Variants in PDE4D observed in about 807,000 individuals in gnomAD.
PDE4D encodes the protein phosphodiesterase 4D.
A neutral mutation model predicts 87.4 loss-of-function variants in PDE4D; 24 were observed. The ratio of observed to expected loss-of-function variants is 0.27; its 90% CI spans 0.20 to 0.39. PDE4D has a LOEUF of 0.39. PDE4D is among the 10% of genes least tolerant of loss of function. The pLI, the probability that PDE4D is intolerant of heterozygous loss-of-function variation, is 1.00. For missense variants in PDE4D, 714 were observed against 1,041.0 expected, an observed-to-expected ratio of 0.69 and a Z score of 4.32; for synonymous variants, 384 against 383.2, an observed-to-expected ratio of 1.00 and a Z score of -0.02.
chr5:59,659,580 T>C (rs1744909993), intron 1 of PDE4D, among the ~76,000 whole-genome samples: 1 of 152,262 alleles, frequency 6.6e-6, no homozygotes, highest in East Asian at 1.9e-4. Context: ...TAAGAAGTCT[T>C]AAGGACAGTC....
At chr5:60,223,485 G>C (rs182282335) in intron 1 of PDE4D, among the ~76,000 whole-genome samples, 58 of 152,120 alleles carry the variant, frequency 3.8e-4, no homozygotes, top group African/African-American at 1.4e-3. Flanking sequence ...AGGCAGAAGT[G>C]GTTCATCAGG....
At chr5:59,551,956 C>T (rs1227260014) in intron 1 of PDE4D, among the ~76,000 whole-genome samples, 1 of 152,116 alleles carries the variant, frequency 6.6e-6, no homozygotes, top group African/African-American at 2.4e-5. Flanking sequence ...TGGTTCACAC[C>T]TATAATCCCA....
At chr5:59,467,706 A>G (rs1232665391) in intron 1 of PDE4D, among the ~76,000 whole-genome samples, 12 of 152,236 alleles carry the variant, frequency 7.9e-5, no homozygotes, top group Non-Finnish European at 1.6e-4. Context: ...CATACGTACA[A>G]TTGTATTTTG....
At chr5:59,247,419 A>C (rs1759070365) in intron 1 of PDE4D, among the ~76,000 whole-genome samples, 1 of 152,124 alleles carries the variant, frequency 6.6e-6, no homozygotes, top group Non-Finnish European at 1.5e-5. Context: ...GCCCATTGTA[A>C]CTCAAGATTA....
chr5:59,959,802 A>C (rs1416044419), intron 3 of PDE4D, among the ~76,000 whole-genome samples: 1 of 152,188 alleles, frequency 6.6e-6, no homozygotes, highest in East Asian at 1.9e-4. Context: ...TTTTATGACT[A>C]AGTCCCCAAA....
intron 3 of PDE4D, among the ~76,000 whole-genome samples, chr5:59,978,204 G>A (rs1012396249): frequency 9.2e-5 from 14 of 152,062 alleles, no homozygotes; most frequent in Admixed American, 3.3e-4. Context: ...TAGGGCTATC[G>A]CTATGATAGA....
chr5:59,586,424 TGTA>T lies in PDE4D; in HGVS notation c.455+306741_455+306743del, dbSNP rs1269770120. On this transcript the variant is annotated intron_variant, in intron 1 of 14. Transcript: ENST00000340635. ...TATTTTTCTTGTCTCCTACGTTACA[TGTA>T]GTGATTTTTACAGATGAATTCCAAC... 2.5e-6 allele frequency: 4 copies of T among 1,598,136 alleles called. No homozygotes were observed. In the Admixed American group the frequency reaches 6.8e-5, roughly 27 times the overall value.
chr5:58,990,040 T>C (rs886827186), intron 9 of PDE4D, 121 bp from the exon 10 acceptor site: 1 of 628,870 alleles, frequency 1.6e-6, no homozygotes, highest in Non-Finnish European at 2.8e-6. Flanking sequence ...AAATGGCAAC[T>C]GCACTCTCAC....
chr5:60,103,929 C>A (rs537816266), intron 2 of PDE4D, among the ~76,000 whole-genome samples: 1 of 152,140 alleles, frequency 6.6e-6, no homozygotes, highest in African/African-American at 2.4e-5. Context: ...CCAGCATGAG[C>A]GACGCAGAAG....
At chr5:59,980,924 C>T (rs1761858562) in intron 3 of PDE4D, among the ~76,000 whole-genome samples, 1 of 152,126 alleles carries the variant, frequency 6.6e-6, no homozygotes, top group African/African-American at 2.4e-5. Context: ...TAAAGTGCTC[C>T]ATCACTCTTA....
chr5:59,156,331 A>ATATATATATGTGTGTGTGTGTG (rs1384479557), intron 5 of PDE4D, among the ~76,000 whole-genome samples: 2 of 122,758 alleles, frequency 1.6e-5, no homozygotes, highest in African/African-American at 6.7e-5. Flanking sequence ...ATATATATAT[A>ATATATATATGTGTGTGTGTGTG]TGTGTGTGTG....
chr5:59,559,599 A>G (rs576482336), intron 1 of PDE4D, among the ~76,000 whole-genome samples: 9 of 152,180 alleles, frequency 5.9e-5, no homozygotes, highest in Non-Finnish European at 1.2e-4. Flanking sequence ...CTGATGTGAA[A>G]ACTTTTCACC....
In PDE4D at chr5:59,466,910, C is replaced by A. The variant is rs559274254; in HGVS notation, c.456-250942G>T. Among the ~76,000 whole-genome samples the A allele has an allele frequency of 2.6e-5, 4 of 152,232 alleles. No individual in the cohort carries two copies. In the South Asian group the frequency reaches 8.3e-4, roughly 32 times the overall value. The stretch of plus-strand genomic sequence containing the variant: ...ATTGAAGTCCTCGTACATATACCTC[C>A]AAAATTTGTACGTTGAAGTCCTCGT... On this transcript the variant is annotated intron_variant, in intron 1 of 14. Transcript: ENST00000340635.
intron 1 of PDE4D, among the ~76,000 whole-genome samples, chr5:59,684,896 T>C (rs1174667771): frequency 6.6e-6 from 1 of 152,226 alleles, no homozygotes; most frequent in East Asian, 1.9e-4. Context: ...TCTCTCTCCC[T>C]TCTTTACTCA....
intron 1 of PDE4D, among the ~76,000 whole-genome samples, chr5:59,652,913 C>T (rs1212433173): frequency 6.6e-6 from 1 of 151,954 alleles, no homozygotes; most frequent in East Asian, 1.9e-4. Context: ...CAGTGATTCT[C>T]TCCATGCCAA....
chr5:59,362,952 C>T (rs922745523), intron 1 of PDE4D, among the ~76,000 whole-genome samples: 2 of 152,138 alleles, frequency 1.3e-5, no homozygotes, highest in South Asian at 2.1e-4. Context: ...TTGGAGCCAA[C>T]AGTCATAAAC....
chr5:59,306,421 A>C (rs537536618), intron 1 of PDE4D, among the ~76,000 whole-genome samples: 113 of 152,280 alleles, frequency 7.4e-4, no homozygotes, highest in Middle Eastern at 3.4e-3. Flanking sequence ...GTACCATTGC[A>C]TTCATCATGC....
intron 1 of PDE4D, among the ~76,000 whole-genome samples, chr5:59,569,710 T>C (rs1821510380): frequency 6.6e-6 from 1 of 152,150 alleles, no homozygotes; most frequent in South Asian, 2.1e-4. Flanking sequence ...CTCTTCCCAG[T>C]ACCCATCCTT....
chr5:60,045,599 G>T (rs1215907236), intron 2 of PDE4D, among the ~76,000 whole-genome samples: 2 of 152,126 alleles, frequency 1.3e-5, no homozygotes, highest in Non-Finnish European at 1.5e-5. Context: ...AGTTTTCCCA[G>T]CACCATTTAT....
Sources: gnomAD v4.1 joint callset for allele counts (sites outside exome capture counted in the v4.1 genomes callset) on GRCh38, gnomAD v4.1.1 for gene constraint, MANE v1.5 for transcripts, NCBI Gene and HGNC (gene_info 2026-07-23, HGNC 2026-07-21) for gene names.